The following TG variants were observed in gnomAD, a reference collection of about 807,000 sequenced individuals.
TG encodes thyroid hormones.
TG carries 270 observed loss-of-function variants against 324.7 expected under a neutral mutation model. The ratio of observed to expected loss-of-function variants is 0.83; its 90% CI spans 0.75 to 0.92. The LOEUF (loss-of-function observed/expected upper bound fraction) is 0.92. TG is among the 40% of genes least tolerant of loss of function. TG has a pLI of 0.00. For missense variants in TG, 3,591 were observed against 3,456.4 expected (o/e 1.04, Z -0.98); for synonymous variants, 1,401 against 1,327.0 (o/e 1.06, Z -1.21).
Position 133,039,020 on chromosome 8 carries a change from A to G in TG, c.7239+8997A>G, listed in dbSNP as rs532173034. Among the ~76,000 whole-genome samples the G allele has an allele frequency of 3.9e-5, 6 of 152,128 alleles. No individual in the cohort carries two copies. In the South Asian group the frequency reaches 1.0e-3, roughly 26 times the overall value. Reference sequence around the variant, plus strand: ...AGCCTCCTGAGTAGCTGGGATTACAACCATCCACCACCACGCCCAGCTAAT... The same window carrying G: ...AGCCTCCTGAGTAGCTGGGATTACAGCCATCCACCACCACGCCCAGCTAAT... On this transcript the variant is annotated intron_variant, in intron 41 of 47. Transcript: ENST00000220616.
intron 25 of TG, among the ~76,000 whole-genome samples, chr8:132,938,234 C>A (rs1358170166): frequency 6.6e-6 from 1 of 152,186 alleles, no homozygotes; most frequent in Non-Finnish European, 1.5e-5. Flanking sequence ...CCTTCAGTAA[C>A]CTTCAGTGGG....
chr8:132,967,730 G>A, intron 30 of TG, 64 bp from the exon 31 acceptor site: 1 of 1,573,334 alleles, frequency 6.4e-7, no homozygotes, highest in South Asian at 1.1e-5. Flanking sequence ...AGAGAATCCT[G>A]TAGAGATTAT....
In TG at chr8:133,133,651, A is replaced by T. The variant is rs756744668; in HGVS notation, c.8179A>T (p.Thr2727Ser). 6.2e-7 allele frequency: 1 copy of T among 1,613,884 alleles called. No individual in the cohort carries two copies. Among genetic ancestry groups the T allele is most frequent in the Non-Finnish European group, 8.5e-7 (1 of 1,179,884 alleles). ...GTCCAAGTACATCTCGTCTCTGAAG[A>T]CATCTGCAGGTAGCAAAGCCCTGGG... is the stretch of plus-strand genomic sequence containing the variant. ...FWSKYISSLKTSADGAKGGQS... is the reference protein window; with the variant it reads ...FWSKYISSLKSSADGAKGGQS... Residue 2727 changes from threonine to serine, a missense_variant, in exon 47 of 48, where the codon ACA becomes TCA. Physicochemically the swap from Thr to Ser is moderately conservative, Grantham distance 58 (BLOSUM62 1). Coordinates refer to ENST00000220616, the MANE Select transcript of TG (RefSeq NM_003235.5).
At chr8:133,082,701 T>C (rs1845937392) in intron 41 of TG, among the ~76,000 whole-genome samples, 1 of 152,226 alleles carries the variant, frequency 6.6e-6, no homozygotes, top group South Asian at 2.1e-4. Context: ...GCCCAATCAC[T>C]TCTAAGTGTG....
At chr8:133,003,999 T>A (rs1393062849) in intron 35 of TG, among the ~76,000 whole-genome samples, 1 of 152,226 alleles carries the variant, frequency 6.6e-6, no homozygotes, top group Non-Finnish European at 1.5e-5. Flanking sequence ...TGGAACCAGT[T>A]AATCTTTACA....
chr8:133,109,664 C>A (rs749855632), intron 43 of TG, among the ~76,000 whole-genome samples: 9 of 152,100 alleles, frequency 5.9e-5, no homozygotes, highest in Non-Finnish European at 1.2e-4. Context: ...CCTTGTCCAC[C>A]CCCTCAGGAT....
chr8:132,936,510 T>C (rs924455240), intron 25 of TG, among the ~76,000 whole-genome samples: 3 of 152,334 alleles, frequency 2.0e-5, no homozygotes, highest in Middle Eastern at 3.4e-3. Flanking sequence ...GACCACACTT[T>C]GAGTAGCAAG....
intron 35 of TG, among the ~76,000 whole-genome samples, chr8:132,994,494 C>T (rs184722173): frequency 1.3e-5 from 2 of 152,220 alleles, no homozygotes; most frequent in Admixed American, 6.5e-5. Context: ...TGAGTACAAC[C>T]CACTAGAAGA....
chr8:132,868,053 C>T (rs977689655), intron 1 of TG, 62 bp from the exon 2 acceptor site: 4 of 1,433,796 alleles, frequency 2.8e-6, no homozygotes, highest in Non-Finnish European at 3.9e-6. Context: ...TTATGAGAGC[C>T]CGTCTCTGTC....
At chr8:133,068,711 G>C (rs1812944174) in intron 41 of TG, among the ~76,000 whole-genome samples, 1 of 152,250 alleles carries the variant, frequency 6.6e-6, no homozygotes, top group Non-Finnish European at 1.5e-5. Flanking sequence ...GTCTTATGAA[G>C]AGCTGTCTGG....
At position 132,887,567 on chromosome 8, in the gene TG, C is replaced by T. The variant is rs1815601756; in HGVS notation, c.2176+19C>T. 6.2e-7 allele frequency: 1 copy of T among 1,614,022 alleles called. No individual in the cohort carries two copies. The highest frequency in any genetic ancestry group is 1.3e-5 in the African/African-American group (1 of 74,934). On this transcript the variant is annotated intron_variant, in intron 9 of 47. Coordinates refer to ENST00000220616, the MANE Select transcript of TG (RefSeq NM_003235.5). ...AAGAAATGTAAGTCTGTTGGGTATTCAATCTGTAGGTTCCCTGAGTCTCTC... is the reference window on the plus strand; with the variant it reads ...AAGAAATGTAAGTCTGTTGGGTATTTAATCTGTAGGTTCCCTGAGTCTCTC...
intron 35 of TG, among the ~76,000 whole-genome samples, chr8:133,011,082 G>A (rs1834464637): frequency 1.3e-5 from 2 of 152,192 alleles, no homozygotes; most frequent in Admixed American, 1.3e-4. Flanking sequence ...GAAGCTTGGT[G>A]CAGAGCATGC....
chr8:133,094,237 G>A (rs1490563937), intron 41 of TG, among the ~76,000 whole-genome samples: 1 of 121,476 alleles, frequency 8.2e-6, no homozygotes, highest in African/African-American at 3.1e-5. Context: ...GAAACCTGTC[G>A]TTTTCTTTTT....
intron 41 of TG, chr8:133,044,958 A>G: frequency 3.1e-6 from 5 of 1,613,550 alleles, no homozygotes; most frequent in Non-Finnish European, 4.2e-6. Flanking sequence ...CACCATCACA[A>G]TCACTCCATA....
intron 25 of TG, among the ~76,000 whole-genome samples, chr8:132,936,735 C>A (rs545947129): frequency 6.6e-6 from 1 of 152,224 alleles, no homozygotes; most frequent in East Asian, 1.9e-4. Context: ...CTGCTCACCC[C>A]CTGCCTCCTC....
At chr8:132,963,098 C>T (rs1240703520) in intron 29 of TG, 24 bp downstream of exon 29, 4 of 1,610,200 alleles carry the variant, frequency 2.5e-6, no homozygotes, top group East Asian at 4.5e-5. Context: ...AACCTTCTTA[C>T]ACACTTGGGT....
chr8:132,960,884 G>A (rs574656263), intron 27 of TG, 124 bp from the exon 28 acceptor site: 78 of 973,112 alleles, frequency 8.0e-5, no homozygotes, highest in Admixed American at 1.4e-4. Context: ...TACATCTTAC[G>A]TGGGAAACAG....
At chr8:132,996,660 A>T (rs1213952986) in intron 35 of TG, among the ~76,000 whole-genome samples, 1 of 152,236 alleles carries the variant, frequency 6.6e-6, no homozygotes, top group East Asian at 1.9e-4. Context: ...GCAATGCAGT[A>T]TATTAGTGGA....
chr8:133,115,630 C>A (rs1407074148), intron 44 of TG, among the ~76,000 whole-genome samples: 1 of 152,244 alleles, frequency 6.6e-6, no homozygotes, highest in Non-Finnish European at 1.5e-5. Context: ...CAGGTAGGGA[C>A]CTTTGGCCCC....
Sources: gnomAD v4.1 joint callset for allele counts (sites outside exome capture counted in the v4.1 genomes callset) on GRCh38, gnomAD v4.1.1 for gene constraint, MANE v1.5 for transcripts, NCBI Gene and HGNC (gene_info 2026-07-23, HGNC 2026-07-21) for gene names.